DNAJC12: variants seen among roughly 807,000 people sequenced by gnomAD.
DNAJC12 encodes the protein DnaJ heat shock protein family (Hsp40) member C12.
DNAJC12 carries 25 observed loss-of-function variants against 28.5 expected under a neutral mutation model. That is an observed-to-expected ratio of 0.88 (90% CI 0.64 to 1.22). DNAJC12 has a LOEUF of 1.22. DNAJC12 is among the 50% of genes most tolerant of loss of function. DNAJC12 has a pLI of 0.00. For missense variants in DNAJC12, 222 were observed against 231.7 expected (o/e 0.96, Z 0.27); for synonymous variants, 77 against 80.6 (o/e 0.95, Z 0.24).
chr10:67,816,178 A>G (rs1841914162), intron 2 of DNAJC12: 1 of 397,920 alleles, frequency 2.5e-6, no homozygotes, highest in Admixed American at 4.4e-5. Context: ...TTGCAATAGA[A>G]TTTGTATTAC....
At chr10:67,836,892 AAAAT>A (rs568026673) in intron 1 of DNAJC12, among the ~76,000 whole-genome samples, 573 of 151,022 alleles carry the variant, frequency 3.8e-3, no homozygotes, top group Non-Finnish European at 6.8e-3. Context: ...GATTTTAATA[AAAAT>A]AAATAAAATA....
At chr10:67,836,187 G>A (rs1842140921) in intron 1 of DNAJC12, among the ~76,000 whole-genome samples, 3 of 151,954 alleles carry the variant, frequency 2.0e-5, no homozygotes, top group Non-Finnish European at 4.4e-5. Flanking sequence ...ATCACACACC[G>A]GGGCCTGTCG....
chr10:67,802,523 C>G (rs955339273), intron 4 of DNAJC12, among the ~76,000 whole-genome samples: 1 of 152,074 alleles, frequency 6.6e-6, no homozygotes, highest in Non-Finnish European at 1.5e-5. Flanking sequence ...CTAATAAAAC[C>G]CCCAACATTT....
chr10:67,797,205 C>CA lies in DNAJC12; in HGVS notation c.507dup (p.Ala170CysfsTer28). The CA allele has an allele frequency of 6.2e-7, 1 of 1,612,992 alleles. No individual in the cohort carries two copies. The highest frequency in any genetic ancestry group is 8.5e-7 in the Non-Finnish European group (1 of 1,179,428). On this transcript the variant is annotated frameshift_variant, in exon 5 of 5. Transcript: ENST00000225171. LOFTEE classifies it high-confidence loss of function. The stretch of plus-strand genomic sequence containing the variant: ...CGAAGGTGCCAACCATTCACATCTG[C>CA]AAAACCTTTAAAGGAAAGAAAGTAA...
chr10:67,829,554 T>C (rs988481459), intron 1 of DNAJC12, among the ~76,000 whole-genome samples: 2 of 151,976 alleles, frequency 1.3e-5, no homozygotes, highest in Non-Finnish European at 2.9e-5. Context: ...GGAAGGAGAA[T>C]GGCGTGAATC....
chr10:67,816,108 C>A (rs1841913417), intron 2 of DNAJC12: 1 of 398,322 alleles, frequency 2.5e-6, no homozygotes, highest in Non-Finnish European at 4.4e-6. Context: ...TCTTGCGAGA[C>A]ATTCTGATTT....
Position 67,797,091 on chromosome 10 carries a change from C to T in DNAJC12, c.*25G>A, listed in dbSNP as rs779905369. ...CAGCATAGGGGACAGTCTTGCTCTTCCTCATTTTTTGAAGCAGAGATATTT... is the reference window on the plus strand; with the variant it reads ...CAGCATAGGGGACAGTCTTGCTCTTTCTCATTTTTTGAAGCAGAGATATTT... On this transcript the variant is annotated 3_prime_UTR_variant, in exon 5 of 5. Coordinates refer to ENST00000225171, the MANE Select transcript of DNAJC12 (RefSeq NM_021800.3). 5.0e-6 allele frequency: 8 copies of T among 1,589,764 alleles called. No individual in the cohort carries two copies. In the Admixed American group the frequency reaches 6.7e-5, roughly 13 times the overall value.
At chr10:67,810,624 A>C (rs536701042) in intron 3 of DNAJC12, among the ~76,000 whole-genome samples, 9 of 152,168 alleles carry the variant, frequency 5.9e-5, no homozygotes, top group Non-Finnish European at 1.2e-4. Flanking sequence ...GAGATTTAAC[A>C]ATCTAGCCAG....
At chr10:67,817,022 G>A (rs1271866556) in intron 2 of DNAJC12, among the ~76,000 whole-genome samples, 3 of 151,926 alleles carry the variant, frequency 2.0e-5, no homozygotes, top group South Asian at 2.1e-4. Flanking sequence ...AGAGGGGAAG[G>A]GATTTCTGGT....
intron 2 of DNAJC12, among the ~76,000 whole-genome samples, chr10:67,819,956 A>G (rs1564863720): frequency 1.3e-5 from 2 of 152,190 alleles, no homozygotes; most frequent in Admixed American, 6.5e-5. Flanking sequence ...ACTAATAAGC[A>G]AACATGCAAT....
At chr10:67,819,715 G>C (rs189675177) in intron 2 of DNAJC12, among the ~76,000 whole-genome samples, 1 of 29,882 alleles carries the variant, frequency 3.3e-5, no homozygotes, top group African/African-American at 1.5e-4. Flanking sequence ...AGGAAGGAAG[G>C]AAGCAAGGAA....
chr10:67,811,001 C>A (rs1410467631), intron 3 of DNAJC12: 3 of 152,374 alleles, frequency 2.0e-5, no homozygotes, highest in Non-Finnish European at 4.4e-5. Context: ...GATATTTATG[C>A]CTTTTAATGA....
chr10:67,812,719 T>TG (rs1841873368), intron 2 of DNAJC12, among the ~76,000 whole-genome samples: 1 of 147,248 alleles, frequency 6.8e-6, no homozygotes, highest in Non-Finnish European at 1.5e-5. Flanking sequence ...CTGGGGGTGG[T>TG]GGCAGGCGCC....
At chr10:67,834,020 A>T in intron 1 of DNAJC12, 1 of 456,028 alleles carries the variant, frequency 2.2e-6, no homozygotes, top group South Asian at 1.6e-5. Context: ...GATAAATTAT[A>T]CTCTTAAATC....
At position 67,835,726 on chromosome 10, in the gene DNAJC12, A is replaced by ACG. The variant is rs1842136300; in HGVS notation, c.78+2207_78+2208insCG. Among the ~76,000 whole-genome samples the ACG allele has an allele frequency of 3.1e-5, 3 of 96,308 alleles. No individual in the cohort carries two copies. In the South Asian group the frequency reaches 9.3e-4, roughly 30 times the overall value. 63.2% of individuals were successfully genotyped at this position (96,308 alleles called of 152,430 possible). On this transcript the variant is annotated intron_variant, in intron 1 of 4. Coordinates refer to ENST00000225171, the MANE Select transcript of DNAJC12 (RefSeq NM_021800.3). ...AAAAGAGAGAAAAAATGACACACAC[A>ACG]CACACACACACACACACACACATAT...
rs1186393477 is a variant in DNAJC12, at chr10:67,798,041, G to GAA, written c.503-833_503-832dup. Reference sequence around the variant, plus strand: ...GGCGACAGAGCGAGATTCTGTCTCAGAAAAAAAAAAAAAAAAAGTATAAAC... The same window carrying GAA: ...GGCGACAGAGCGAGATTCTGTCTCAGAAAAAAAAAAAAAAAAAAAGTATAAAC... On this transcript the variant is annotated intron_variant, in intron 4 of 4. Coordinates refer to ENST00000225171, the MANE Select transcript of DNAJC12 (RefSeq NM_021800.3). Among the ~76,000 whole-genome samples the GAA allele has an allele frequency of 3.9e-3, 397 of 101,374 alleles. 6 individuals are homozygous for GAA. Among genetic ancestry groups the GAA allele is most frequent in the African/African-American group, 0.012 (378 of 30,868 alleles). 66.5% of individuals were successfully genotyped at this position (101,374 alleles called of 152,430 possible).
At chr10:67,823,502 A>G in intron 1 of DNAJC12, 110 bp from the exon 2 acceptor site, 3 of 783,146 alleles carry the variant, frequency 3.8e-6, no homozygotes, top group Non-Finnish European at 6.4e-6. Flanking sequence ...CAGGAATAAG[A>G]CCAGCCTGGA....
At chr10:67,807,226 A>G (rs1841811533) in intron 3 of DNAJC12, among the ~76,000 whole-genome samples, 2 of 152,034 alleles carry the variant, frequency 1.3e-5, no homozygotes, top group East Asian at 3.9e-4. Context: ...GCACCACTGC[A>G]CTCCAGCCTG....
intron 1 of DNAJC12, among the ~76,000 whole-genome samples, chr10:67,834,566 T>C (rs775672289): frequency 1.3e-5 from 2 of 152,188 alleles, no homozygotes; most frequent in Non-Finnish European, 2.9e-5. Flanking sequence ...CGGTGGCTCA[T>C]GCCTGTAATC....
Sources: gnomAD v4.1 joint callset for allele counts (sites outside exome capture counted in the v4.1 genomes callset) on GRCh38, gnomAD v4.1.1 for gene constraint, MANE v1.5 for transcripts, NCBI Gene and HGNC (gene_info 2026-07-23, HGNC 2026-07-21) for gene names.